The following CAB39L variants were observed in gnomAD, a reference collection of about 807,000 sequenced individuals.
The protein encoded by CAB39L is calcium-binding protein 39-like.
A neutral mutation model predicts 39.1 loss-of-function variants in CAB39L; 23 were observed. The ratio of observed to expected loss-of-function variants is 0.59; its 90% CI spans 0.42 to 0.83. CAB39L has a LOEUF of 0.83. Ranked by LOEUF, CAB39L falls within the 40% of genes least tolerant of loss-of-function variation. The pLI, the probability that CAB39L is intolerant of heterozygous loss-of-function variation, is 0.00. For missense variants in CAB39L, 366 were observed against 391.9 expected, an observed-to-expected ratio of 0.93 and a Z score of 0.56; for synonymous variants, 126 against 137.2, an observed-to-expected ratio of 0.92 and a Z score of 0.57.
intron 6 of CAB39L, among the ~76,000 whole-genome samples, chr13:49,354,358 A>G (rs1955432868): frequency 6.6e-6 from 1 of 152,208 alleles, no homozygotes; most frequent in African/African-American, 2.4e-5. Flanking sequence ...GTGATTTATA[A>G]TTCACATAGA....
chr13:49,334,430 C>T (rs776514022), intron 9 of CAB39L, among the ~76,000 whole-genome samples: 1 of 152,144 alleles, frequency 6.6e-6, no homozygotes, highest in East Asian at 1.9e-4. Context: ...CCTCCATCTT[C>T]CCCACTCTCC....
At chr13:49,372,967 C>T (rs1174940630) in intron 5 of CAB39L, among the ~76,000 whole-genome samples, 7 of 152,200 alleles carry the variant, frequency 4.6e-5, no homozygotes, top group Admixed American at 2.0e-4. Flanking sequence ...GCCACTGCGC[C>T]GGCCTCAACA....
rs775967382 is a variant in CAB39L at position 49,332,025 on chromosome 13, C to T, written c.756G>A (p.Pro252=). The change falls in exon 10 of 11, where the codon CCG becomes CCA. Residue 252 remains proline (P), a synonymous_variant. Coordinates refer to ENST00000409308, the MANE Select transcript of CAB39L (RefSeq NM_001079670.3). ...FAIMTKYISK[P]ENLKLMMNLL... ...GGTTCATCATGAGTTTCAGGTTCTC[C>T]GGCTTGCTGATATACTTTGTCATGA... The T allele has an allele frequency of 6.8e-6, 11 of 1,613,908 alleles. No homozygotes were observed. The highest frequency in any genetic ancestry group is 4.0e-5 in the African/African-American group (3 of 74,894).
intron 3 of CAB39L, among the ~76,000 whole-genome samples, chr13:49,423,599 G>A (rs543926165): frequency 3.7e-4 from 57 of 152,186 alleles, no homozygotes; most frequent in African/African-American, 1.4e-3. Flanking sequence ...GTAAAAATTA[G>A]TAGGAGAGAA....
At chr13:49,341,691 A>G (rs1246652280) in intron 8 of CAB39L, among the ~76,000 whole-genome samples, 1 of 152,192 alleles carries the variant, frequency 6.6e-6, no homozygotes, top group African/African-American at 2.4e-5. Context: ...ACTATAGTTA[A>G]TAATTTACTG....
chr13:49,312,618 C>T (rs1227540905), intron 10 of CAB39L, among the ~76,000 whole-genome samples: 2 of 152,198 alleles, frequency 1.3e-5, no homozygotes, highest in African/African-American at 2.4e-5. Context: ...CAAAGGACAT[C>T]GCCTAGTGAG....
At chr13:49,441,219 G>GTATATATATA (rs1259284077) in intron 1 of CAB39L, among the ~76,000 whole-genome samples, 1 of 99,678 alleles carries the variant, frequency 1.0e-5, no homozygotes, top group African/African-American at 9.6e-5. Context: ...TAATGATTTA[G>GTATATATATA]TGTATATATA....
intron 4 of CAB39L, among the ~76,000 whole-genome samples, chr13:49,381,432 G>A (rs765287525): frequency 6.6e-6 from 1 of 152,060 alleles, no homozygotes. Flanking sequence ...TCAAGAAACA[G>A]GACATTTTCA....
intron 9 of CAB39L, among the ~76,000 whole-genome samples, chr13:49,334,376 G>A (rs972477481): frequency 6.6e-6 from 1 of 152,126 alleles, no homozygotes; most frequent in South Asian, 2.1e-4. Flanking sequence ...CCCAGCCTCT[G>A]TGATGTGGAA....
chr13:49,405,686 C>A lies in CAB39L; in HGVS notation c.-31-22745G>T, dbSNP rs963988683. The stretch of plus-strand genomic sequence containing the variant: ...CTCCAGCCTGGGTGACAGAGCAAGA[C>A]CCTGCTGAAAGAAAGAAAGAAAGAA... On this transcript the variant is annotated intron_variant, in intron 3 of 10. Transcript: ENST00000409308. Among the ~76,000 whole-genome samples the A allele has an allele frequency of 4.9e-5, 5 of 103,048 alleles. No individual in the cohort carries two copies. The Admixed American group carries it at 5.2e-4, about 11-fold the overall frequency. 67.6% of individuals were successfully genotyped at this position (103,048 alleles called of 152,430 possible).
chr13:49,385,851 T>C (rs896352407), intron 3 of CAB39L, among the ~76,000 whole-genome samples: 2 of 152,116 alleles, frequency 1.3e-5, no homozygotes, highest in African/African-American at 4.8e-5. Flanking sequence ...TGATCACAGA[T>C]CACCACAACA....
chr13:49,366,367 GA>G (rs1015917644), intron 5 of CAB39L, among the ~76,000 whole-genome samples: 4 of 151,450 alleles, frequency 2.6e-5, no homozygotes, highest in African/African-American at 9.7e-5. Flanking sequence ...AAATTAAAAA[GA>G]AAAAAAGAGA....
chr13:49,359,664 T>C, intron 6 of CAB39L, 50 bp downstream of exon 6: 1 of 941,870 alleles, frequency 1.1e-6, no homozygotes, highest in South Asian at 1.4e-5. Context: ...TATGCACTTT[T>C]AACAACTATT....
intron 3 of CAB39L, among the ~76,000 whole-genome samples, chr13:49,391,494 C>T (rs1956487685): frequency 6.6e-6 from 1 of 152,040 alleles, no homozygotes; most frequent in Admixed American, 6.5e-5. Context: ...TTGATAGAGG[C>T]AAAATGTTTT....
At chr13:49,427,344 A>G (rs182483523) in intron 3 of CAB39L, among the ~76,000 whole-genome samples, 153 of 152,156 alleles carry the variant, frequency 1.0e-3, no homozygotes, top group African/African-American at 3.3e-3. Flanking sequence ...ATGTCCATTC[A>G]CCTTTCATCC....
At chr13:49,443,915 G>A in intron 1 of CAB39L, 71 bp downstream of exon 1, 1 of 456,652 alleles carries the variant, frequency 2.2e-6, no homozygotes, top group Non-Finnish European at 4.4e-6. Flanking sequence ...CTACGGCCAG[G>A]CGCTATGTAT....
intron 6 of CAB39L, among the ~76,000 whole-genome samples, chr13:49,355,715 C>T (rs929814970): frequency 2.0e-5 from 3 of 151,412 alleles, no homozygotes; most frequent in Non-Finnish European, 4.4e-5. Context: ...AACATTAAAT[C>T]CATTAGTTCA....
At chr13:49,370,287 A>G (rs900931308) in intron 5 of CAB39L, among the ~76,000 whole-genome samples, 2 of 152,224 alleles carry the variant, frequency 1.3e-5, no homozygotes, top group Non-Finnish European at 2.9e-5. Flanking sequence ...TTTATATATT[A>G]CATGAAATCC....
At chr13:49,440,526 C>G (rs1274195906) in intron 1 of CAB39L, among the ~76,000 whole-genome samples, 1 of 151,740 alleles carries the variant, frequency 6.6e-6, no homozygotes, top group East Asian at 1.9e-4. Context: ...TTGAAACAAG[C>G]TACACATTCA....
Sources: allele counts gnomAD v4.1 joint callset (sites outside exome capture counted in the v4.1 genomes callset), GRCh38; gene constraint gnomAD v4.1.1; transcripts MANE v1.5; gene names NCBI Gene and HGNC (gene_info 2026-07-23, HGNC 2026-07-21).